TFAP2A: variants seen among roughly 807,000 people sequenced by gnomAD.
The protein encoded by TFAP2A is transcription factor AP-2-alpha.
A neutral mutation model predicts 41.5 loss-of-function variants in TFAP2A; 7 were observed. That is an observed-to-expected ratio of 0.17 (90% CI 0.10 to 0.32). The LOEUF is 0.32. Among genes scored for constraint, TFAP2A ranks in the 10% least tolerant of loss-of-function variants. TFAP2A has a pLI of 1.00. For synonymous variants in TFAP2A, 247 were observed against 242.8 expected, an observed-to-expected ratio of 1.02 and a Z score of -0.16; for missense variants, 416 against 563.3, an observed-to-expected ratio of 0.74 and a Z score of 2.65.
chr6:10,407,917 G>C (rs1196257120), intron 2 of TFAP2A: 1 of 152,206 alleles, frequency 6.6e-6, no homozygotes, highest in Non-Finnish European at 1.5e-5. Context: ...TAATTAAATT[G>C]AGAAATGTTC....
At chr6:10,414,880 G>T in intron 1 of TFAP2A, 61 bp downstream of exon 1, 2 of 1,606,520 alleles carry the variant, frequency 1.2e-6, no homozygotes, top group South Asian at 2.2e-5. Context: ...AGGAGGAGGA[G>T]AGGGAGGGTC....
chr6:10,406,669 C>A, intron 3 of TFAP2A, 124 bp downstream of exon 3: 1 of 830,160 alleles, frequency 1.2e-6, no homozygotes. Flanking sequence ...CTGTGCCTAT[C>A]TATTTGCTAA....
upstream of TFAP2A, among the ~76,000 whole-genome samples, chr6:10,418,893 T>C (rs1758334296): frequency 6.6e-6 from 1 of 152,012 alleles, no homozygotes. Context: ...CTGGACCCCT[T>C]TCCATTCTTC....
chr6:10,400,862 T>A lies in TFAP2A; in HGVS notation c.890-273A>T. 3 of 631,652 alleles carry A rather than the reference T, an allele frequency of 4.7e-6. No individual in the cohort carries two copies. In the East Asian group the frequency reaches 9.9e-5, roughly 21 times the overall value. 39.1% of individuals were successfully genotyped at this position (631,652 alleles called of 1,614,324 possible). A position where few individuals can be genotyped will look rare whatever the true frequency, so the allele number is the denominator to read the frequency against. ...CTCCAGTCCCATCCCCCACCCTAAA[T>A]GACACTTCTCCAAATTCTCTTTTAA... On this transcript the variant is annotated intron_variant, in intron 5 of 6. Transcript: ENST00000379613.
intron 1 of TFAP2A, chr6:10,411,662 C>A (rs1409024769): frequency 1.9e-6 from 3 of 1,610,158 alleles, no homozygotes; most frequent in Non-Finnish European, 2.5e-6. Context: ...CGCCCGGCTG[C>A]CCCGCCGCCC....
Position 10,402,785 on chromosome 6 carries a change from C to T in TFAP2A, c.771-175G>A, listed in dbSNP as rs193203290. On this transcript the variant is annotated intron_variant, in intron 4 of 6. Transcript: ENST00000379613. ...AGTACAGAAGTTCATAGGAGATAAACGCCTGTTAAACTGTAAAGCACCCCC... is the reference window on the plus strand; with the variant it reads ...AGTACAGAAGTTCATAGGAGATAAATGCCTGTTAAACTGTAAAGCACCCCC... 3.9e-5 allele frequency among the ~76,000 whole-genome samples: 6 copies of T among 152,290 alleles called. No homozygotes were observed. The East Asian group carries it at 9.6e-4, about 24-fold the overall frequency.
intron 6 of TFAP2A, 83 bp downstream of exon 6, chr6:10,400,361 CAAGG>C: frequency 6.5e-7 from 1 of 1,544,740 alleles, no homozygotes. Flanking sequence ...AAAAGGAAAA[CAAGG>C]GAGAAGGAAG....
Position 10,398,293 on chromosome 6 carries a change from G to GGGGGCA in TFAP2A, c.*123_*124insTGCCCC. The GGGGGCA allele has an allele frequency of 6.3e-7, 1 of 1,587,896 alleles. No individual in the cohort carries two copies. Among genetic ancestry groups the GGGGGCA allele is most frequent in the Non-Finnish European group, 8.5e-7 (1 of 1,170,518 alleles). ...ACCCAAGGGCAGCGGCGGCGGCGGC[G>GGGGGCA]GCGGCAGCAGCAGCAGCAGTAGCAG... On this transcript the variant is annotated 3_prime_UTR_variant, in exon 7 of 7. Transcript: ENST00000379613. This position sits in a 1 kb window ranked among gnomAD's most constrained non-coding sequence, Gnocchi z 5.3.
intron 3 of TFAP2A, chr6:10,405,798 C>G (rs1009728371): frequency 1.3e-5 from 2 of 152,038 alleles, no homozygotes; most frequent in Non-Finnish European, 2.9e-5. Context: ...GTGGGGGGCT[C>G]TAGGTTTTGG....
upstream of TFAP2A, chr6:10,415,714 C>T (rs1758217524): frequency 6.5e-6 from 1 of 152,710 alleles, no homozygotes; most frequent in Non-Finnish European, 1.5e-5. Flanking sequence ...AACATAACCA[C>T]CAAACCAAGA....
chr6:10,399,684 G>A (rs1433006465), intron 6 of TFAP2A, among the ~76,000 whole-genome samples: 1 of 152,224 alleles, frequency 6.6e-6, no homozygotes, highest in Non-Finnish European at 1.5e-5. Flanking sequence ...TCTGCCCTCT[G>A]CTTCCATGCC....
chr6:10,416,779 C>G (rs1192905203), upstream of TFAP2A: 2 of 152,268 alleles, frequency 1.3e-5, no homozygotes, highest in Non-Finnish European at 2.9e-5. Flanking sequence ...AAGGGGAATT[C>G]TCCCTCCAAA....
intron 4 of TFAP2A, among the ~76,000 whole-genome samples, chr6:10,403,872 C>G (rs1224807775): frequency 6.6e-6 from 1 of 152,172 alleles, no homozygotes; most frequent in Non-Finnish European, 1.5e-5. Flanking sequence ...TCGCACGCAG[C>G]CTGGCACACA....
At chr6:10,414,584 C>A (rs763295097) in intron 1 of TFAP2A, 12 of 460,840 alleles carry the variant, frequency 2.6e-5, no homozygotes, top group Non-Finnish European at 4.4e-5. Flanking sequence ...CTTGGGCCCT[C>A]AATCTCGATG....
In TFAP2A at chr6:10,396,905, TGG is replaced by T. The variant is rs1761785097; in HGVS notation, c.*1510_*1511del. On this transcript the variant is annotated 3_prime_UTR_variant, in exon 7 of 7. Transcript: ENST00000379613. ...TTTTTATTATACTTGAGGGAAACAATGGGTTCAGCTGCTTATTGCAAGGAGCA... is the reference window on the plus strand; with the variant it reads ...TTTTTATTATACTTGAGGGAAACAATGTTCAGCTGCTTATTGCAAGGAGCA... 1.3e-5 allele frequency: 2 copies of T among 152,576 alleles called. No individual in the cohort carries two copies. The highest frequency in any genetic ancestry group is 3.9e-4 in the East Asian group (2 of 5,192). The allele number at this position is 152,576 out of a possible 1,614,324, so 9.5% of individuals were successfully genotyped here. A position where few individuals can be genotyped will look rare whatever the true frequency, so the allele number is the denominator to read the frequency against.
upstream of TFAP2A, chr6:10,419,563 A>T: frequency 7.4e-7 from 1 of 1,351,140 alleles, no homozygotes; most frequent in Non-Finnish European, 1.1e-6. Context: ...CTGCTCACCA[A>T]CATCTCACCT....
Position 10,398,019 on chromosome 6 carries a change from T to G in TFAP2A, c.*398A>C. 1 of 1,072,920 alleles carries G rather than the reference T, an allele frequency of 9.3e-7. No individual in the cohort carries two copies. 66.5% of individuals were successfully genotyped at this position (1,072,920 alleles called of 1,614,324 possible). ...ATATAATTTTTTTTATTTTCACTTT[T>G]TTTTTAGAAAAAAGTTTTTAATTTT... On this transcript the variant is annotated 3_prime_UTR_variant, in exon 7 of 7. Transcript: ENST00000379613. This position sits in a 1 kb window ranked among gnomAD's most constrained non-coding sequence, Gnocchi z 5.3.
intron 5 of TFAP2A, among the ~76,000 whole-genome samples, chr6:10,401,373 C>T (rs1457276817): frequency 6.6e-6 from 1 of 152,190 alleles, no homozygotes; most frequent in African/African-American, 2.4e-5. Context: ...AGTGGGTTCT[C>T]TATGGACTGT....
At chr6:10,409,511 G>C (rs1163446593) in intron 2 of TFAP2A, 10 of 234,744 alleles carry the variant, frequency 4.3e-5, no homozygotes, top group Non-Finnish European at 8.5e-5. Context: ...AGCTCTTTTG[G>C]TTGCATTTAA....
Sources: gnomAD v4.1 joint callset for allele counts (sites outside exome capture counted in the v4.1 genomes callset) on GRCh38, gnomAD v4.1.1 for gene constraint, Gnocchi (gnomAD v3.1) non-coding constraint, MANE v1.5 for transcripts, NCBI Gene and HGNC (gene_info 2026-07-23, HGNC 2026-07-21) for gene names.